The following ITPRID1 variants were observed in gnomAD, a reference collection of about 807,000 sequenced individuals.
ITPRID1 encodes the protein protein ITPRID1.
A neutral mutation model predicts 95.4 loss-of-function variants in ITPRID1; 96 were observed. That is an observed-to-expected ratio of 1.01 (90% confidence interval 0.85 to 1.19). The LOEUF is 1.19. ITPRID1 is among the 50% of genes most tolerant of loss of function. The pLI is 0.00. For synonymous variants in ITPRID1, 510 were observed against 453.6 expected (o/e 1.12, Z -1.58); for missense variants, 1,339 against 1,252.9 (o/e 1.07, Z -1.04).
intron 5 of ITPRID1, among the ~76,000 whole-genome samples, chr7:31,566,367 A>G (rs1332298914): frequency 6.6e-6 from 1 of 152,238 alleles, no homozygotes; most frequent in Admixed American, 6.5e-5. Context: ...GGAAACCCAG[A>G]GCAATAGCAG....
chr7:31,518,345 A>C (rs1783114094), intron 1 of ITPRID1: 1 of 152,226 alleles, frequency 6.6e-6, no homozygotes, highest in Non-Finnish European at 1.5e-5. Flanking sequence ...AAGGTAATAA[A>C]TGTGTGTTGC....
intron 12 of ITPRID1, 113 bp downstream of exon 12, chr7:31,644,066 T>C: frequency 1.1e-6 from 1 of 923,108 alleles, no homozygotes; most frequent in South Asian, 1.7e-5. Flanking sequence ...AACTTTTCTA[T>C]TTTAAATCAT....
chr7:31,533,921 C>T (rs1362772095), intron 1 of ITPRID1, among the ~76,000 whole-genome samples: 10 of 152,136 alleles, frequency 6.6e-5, no homozygotes, highest in African/African-American at 2.2e-4. Flanking sequence ...GTATTAGTCC[C>T]TGGCCTGCTA....
At chr7:31,596,399 TA>T (rs59289143) in intron 10 of ITPRID1, among the ~76,000 whole-genome samples, 151,204 of 151,396 alleles carry the variant, frequency 1, 75,507 homozygotes, top group East Asian at 1. Context: ...AAATTCTGAC[TA>T]AAAATCTCAG....
At chr7:31,569,025 T>G (rs1384786159) in intron 5 of ITPRID1, among the ~76,000 whole-genome samples, 1 of 152,190 alleles carries the variant, frequency 6.6e-6, no homozygotes, top group East Asian at 1.9e-4. Context: ...GTGTGTGTAA[T>G]ATGCTTAGCA....
rs1174594199 is a variant in ITPRID1 at position 31,561,389 on chromosome 7, C to T, written c.256+6488C>T. Among the ~76,000 whole-genome samples, 3 of 152,124 alleles carry T rather than the reference C, an allele frequency of 2.0e-5. No homozygotes were observed. In the East Asian group the frequency reaches 5.8e-4, roughly 29 times the overall value. On this transcript the variant is annotated intron_variant, in intron 5 of 14. Transcript: ENST00000615280. ...CCCCCAGCCTTCCTGAAGCTGTGGGCAGAGTCTGGACCTGTTGTTCTGAGA... is the reference window on the plus strand; with the variant it reads ...CCCCCAGCCTTCCTGAAGCTGTGGGTAGAGTCTGGACCTGTTGTTCTGAGA...
intron 10 of ITPRID1, among the ~76,000 whole-genome samples, chr7:31,639,450 T>G (rs1473866761): frequency 6.6e-6 from 1 of 151,894 alleles, no homozygotes; most frequent in Admixed American, 6.6e-5. Context: ...TTTTTAAATA[T>G]CTTGCATATA....
chr7:31,521,043 T>C (rs891299670), intron 1 of ITPRID1, among the ~76,000 whole-genome samples: 1 of 144,468 alleles, frequency 6.9e-6, no homozygotes, highest in South Asian at 2.3e-4. Context: ...TTTGGTTTCA[T>C]TGATTTTTTT....
chr7:31,519,618 C>A (rs201641075), intron 1 of ITPRID1, among the ~76,000 whole-genome samples: 3,517 of 30,912 alleles, frequency 0.11, 154 homozygotes, highest in African/African-American at 0.21. Flanking sequence ...CTCTCTCTCT[C>A]TCTATATATA....
chr7:31,636,017 C>T (rs183024950), intron 10 of ITPRID1, among the ~76,000 whole-genome samples: 207 of 152,230 alleles, frequency 1.4e-3, no homozygotes, highest in African/African-American at 4.5e-3. Flanking sequence ...CTTACAATCA[C>T]GGCAGAAGGC....
At chr7:31,576,162 A>T (rs1785176036) in intron 8 of ITPRID1, among the ~76,000 whole-genome samples, 1 of 152,172 alleles carries the variant, frequency 6.6e-6, no homozygotes, top group Admixed American at 6.6e-5. Flanking sequence ...TCCCTGGTGC[A>T]CTCTAATTTC....
At position 31,577,871 on chromosome 7, in the gene ITPRID1, C is replaced by T. The variant is rs750607089; in HGVS notation, c.607C>T (p.Arg203Ter). 19 of 1,589,800 alleles carry T rather than the reference C, an allele frequency of 1.2e-5. No individual in the cohort carries two copies. The highest frequency in any genetic ancestry group is 1.7e-4 in the Middle Eastern group (1 of 5,920). Residue 203 changes from arginine (R) to a stop codon, truncating the protein, a stop_gained, in exon 9 of 15, where the codon CGA (arginine) becomes TGA (stop). Coordinates refer to ENST00000615280, the MANE Select transcript of ITPRID1 (RefSeq NM_001257967.3). LOFTEE classifies it high-confidence loss of function. The part of the protein sequence containing the change: ...IENPNLYGRF[R>*]QLEILDHVTN... ...TTTCTTGTGTTGTGCAGGTCGTTTC[C>T]GACAGCTGGAAATCCTGGACCATGT...
intron 10 of ITPRID1, among the ~76,000 whole-genome samples, chr7:31,607,516 T>C (rs1039359952): frequency 6.6e-6 from 1 of 152,126 alleles, no homozygotes; most frequent in African/African-American, 2.4e-5. Flanking sequence ...TCTTCTTGTG[T>C]TGTGCTGTTG....
chr7:31,635,747 G>C (rs555227778), intron 10 of ITPRID1, among the ~76,000 whole-genome samples: 1 of 152,016 alleles, frequency 6.6e-6, no homozygotes, highest in African/African-American at 2.4e-5. Context: ...GACACAGGGA[G>C]GGGAACACCA....
At position 31,655,669 on chromosome 7, in the gene ITPRID1, C is replaced by G. The variant is rs1791266343; in HGVS notation, c.*2840C>G. On this transcript the variant is annotated 3_prime_UTR_variant, in exon 15 of 15. Coordinates refer to ENST00000615280, the MANE Select transcript of ITPRID1 (RefSeq NM_001257967.3). ...TCATCCCTTTTTGCCACATCCCCAT[C>G]TTGGCTCCTATATCATGGCTCAGCT... is the stretch of plus-strand genomic sequence containing the variant. The G allele has an allele frequency of 2.2e-6, 2 of 918,412 alleles. No individual in the cohort carries two copies. Among genetic ancestry groups the G allele is most frequent in the Non-Finnish European group, 2.6e-6 (2 of 768,478 alleles). 56.9% of individuals were successfully genotyped at this position (918,412 alleles called of 1,614,324 possible).
At chr7:31,610,008 A>G (rs1032152452) in intron 10 of ITPRID1, among the ~76,000 whole-genome samples, 1 of 151,382 alleles carries the variant, frequency 6.6e-6, no homozygotes, top group Non-Finnish European at 1.5e-5. Flanking sequence ...AGTATATTCT[A>G]TTTCCCTGTG....
chr7:31,614,706 T>C (rs1444113417), intron 10 of ITPRID1, among the ~76,000 whole-genome samples: 1 of 150,298 alleles, frequency 6.7e-6, no homozygotes, highest in Non-Finnish European at 1.5e-5. Flanking sequence ...GTGTAGAGCG[T>C]TGTGGCACAG....
At position 31,653,580 on chromosome 7, in the gene ITPRID1, G is replaced by A. The variant is rs1791137173; in HGVS notation, c.*751G>A. On this transcript the variant is annotated 3_prime_UTR_variant, in exon 15 of 15. Coordinates refer to ENST00000615280, the MANE Select transcript of ITPRID1 (RefSeq NM_001257967.3). The stretch of plus-strand genomic sequence containing the variant: ...AGACTAAAGATTTTAGGGACCACAA[G>A]GAATTTCCCAGTGGGCAAATTGTGA... 6.6e-6 allele frequency: 1 copy of A among 151,758 alleles called. No homozygotes were observed. The highest frequency in any genetic ancestry group is 2.1e-4 in the South Asian group (1 of 4,800). The allele number at this position is 151,758 out of a possible 1,614,324, so 9.4% of individuals were successfully genotyped here.
At chr7:31,647,708 G>GAAT (rs375268240) in intron 12 of ITPRID1, among the ~76,000 whole-genome samples, 20 of 144,590 alleles carry the variant, frequency 1.4e-4, no homozygotes, top group African/African-American at 5.1e-4. Context: ...AGAGGAAGAA[G>GAAT]AAGACGATGA....
Sources: allele counts gnomAD v4.1 joint callset (sites outside exome capture counted in the v4.1 genomes callset), GRCh38; gene constraint gnomAD v4.1.1; transcripts MANE v1.5; gene names NCBI Gene and HGNC (gene_info 2026-07-23, HGNC 2026-07-21).